The following EDN1 variants were observed in gnomAD, a reference collection of about 807,000 sequenced individuals.
EDN1 encodes endothelin 1.
A neutral mutation model predicts 21.7 loss-of-function variants in EDN1; 11 were observed. The ratio of observed to expected loss-of-function variants is 0.51; its 90% CI spans 0.32 to 0.84. The LOEUF (loss-of-function observed/expected upper bound fraction) is 0.84, where lower values mean the gene tolerates loss of function less well. Ranked by LOEUF, EDN1 falls within the 40% of genes least tolerant of loss-of-function variation. EDN1 has a pLI of 0.03. For synonymous variants in EDN1, 85 were observed against 90.6 expected, an observed-to-expected ratio of 0.94 and a Z score of 0.35; for missense variants, 244 against 262.3, an observed-to-expected ratio of 0.93 and a Z score of 0.48.
the EDN1 span, among the ~76,000 whole-genome samples, chr6:12,256,317 C>T: frequency 2.0e-5 from 3 of 152,298 alleles, no homozygotes; most frequent in African/African-American, 4.8e-5. Flanking sequence ...TGCACCACTG[C>T]GCTCCAGCGT....
the EDN1 span, among the ~76,000 whole-genome samples, chr6:12,240,318 A>G: frequency 1.4e-3 from 209 of 152,304 alleles, 1 homozygote; most frequent in Middle Eastern, 0.01. Flanking sequence ...CAGTGAATGA[A>G]GAAGTTTTGC....
chr6:12,245,980 A>C, the EDN1 span, among the ~76,000 whole-genome samples: 1 of 151,974 alleles, frequency 6.6e-6, no homozygotes, highest in Non-Finnish European at 1.5e-5. Flanking sequence ...TAATTGCCAT[A>C]ACAATGTTGT....
chr6:12,243,947 T>G, the EDN1 span, among the ~76,000 whole-genome samples: 1 of 152,176 alleles, frequency 6.6e-6, no homozygotes, highest in African/African-American at 2.4e-5. Context: ...TGATGGAAAC[T>G]TTCTCTTTTT....
upstream of EDN1, among the ~76,000 whole-genome samples, chr6:12,289,516 C>A (rs1762622004): frequency 6.6e-6 from 1 of 152,150 alleles, no homozygotes; most frequent in South Asian, 2.1e-4. Context: ...CTCTTCATCT[C>A]CCCCTGGTGT....
the EDN1 span, among the ~76,000 whole-genome samples, chr6:12,271,120 A>T: frequency 6.6e-6 from 1 of 151,490 alleles, no homozygotes; most frequent in Non-Finnish European, 1.5e-5. Flanking sequence ...TTTTTTTTTT[A>T]AACTCTATTT....
At chr6:12,292,097 C>A (rs752096941) in intron 1 of EDN1, among the ~76,000 whole-genome samples, 2 of 152,150 alleles carry the variant, frequency 1.3e-5, no homozygotes, top group Non-Finnish European at 2.9e-5. Context: ...GTGTTTATCT[C>A]CTCTGCATTT....
upstream of EDN1, among the ~76,000 whole-genome samples, chr6:12,288,707 C>T (rs191844815): frequency 2.0e-5 from 3 of 152,134 alleles, no homozygotes; most frequent in African/African-American, 4.8e-5. Context: ...GCTGTGACTT[C>T]GAGGGAGGTC....
the EDN1 span, among the ~76,000 whole-genome samples, chr6:12,261,303 C>T: frequency 6.6e-6 from 1 of 152,220 alleles, no homozygotes; most frequent in Non-Finnish European, 1.5e-5. Flanking sequence ...AAGTCCACAA[C>T]AGAGCCAACA....
the EDN1 span, among the ~76,000 whole-genome samples, chr6:12,257,197 A>C: frequency 6.6e-6 from 1 of 152,246 alleles, no homozygotes; most frequent in African/African-American, 2.4e-5. Flanking sequence ...GATTTATGCA[A>C]ACTGACAATT....
At chr6:12,294,770 T>C (rs1762778983) in intron 4 of EDN1, among the ~76,000 whole-genome samples, 1 of 152,162 alleles carries the variant, frequency 6.6e-6, no homozygotes, top group Non-Finnish European at 1.5e-5. Context: ...GAAAATCATT[T>C]TGGGGAGCGG....
chr6:12,231,779 C>G, the EDN1 span, among the ~76,000 whole-genome samples: 1 of 151,922 alleles, frequency 6.6e-6, no homozygotes, highest in Non-Finnish European at 1.5e-5. Flanking sequence ...TCAAGTTACA[C>G]ATAAATGGTA....
the EDN1 span, among the ~76,000 whole-genome samples, chr6:12,251,236 C>A: frequency 6.6e-6 from 1 of 152,136 alleles, no homozygotes; most frequent in East Asian, 1.9e-4. Context: ...TACTGTTTAA[C>A]AGAATGAAGA....
At position 12,297,071 on chromosome 6, in the gene EDN1, T is replaced by G. The variant is rs1762844227; in HGVS notation, c.*1004T>G. On this transcript the variant is annotated 3_prime_UTR_variant, in exon 5 of 5. Coordinates refer to ENST00000379375, the MANE Select transcript of EDN1 (RefSeq NM_001955.5). ...TATATTTACCATGTTAAATATCTGT[T>G]TGGGCAGGCCATATTGGTCTATGTA... is the stretch of plus-strand genomic sequence containing the variant. 6.6e-6 allele frequency: 1 copy of G among 152,232 alleles called. No homozygotes were observed. The highest frequency in any genetic ancestry group is 1.5e-5 in the Non-Finnish European group (1 of 68,032). The allele number at this position is 152,232 out of a possible 1,614,324, so 9.4% of individuals were successfully genotyped here. A position where few individuals can be genotyped will look rare whatever the true frequency, so the allele number is the denominator to read the frequency against.
chr6:12,260,138 A>T, the EDN1 span, among the ~76,000 whole-genome samples: 385 of 152,250 alleles, frequency 2.5e-3, 1 homozygote, highest in Non-Finnish European at 4.0e-3. Flanking sequence ...AAAAACTCTT[A>T]AAAAACAATA....
the EDN1 span, among the ~76,000 whole-genome samples, chr6:12,241,915 T>C: frequency 6.6e-6 from 1 of 152,076 alleles, no homozygotes; most frequent in Admixed American, 6.5e-5. Flanking sequence ...TTTGAAAGAG[T>C]CAAGCCCATG....
At chr6:12,251,468 G>A in the EDN1 span, among the ~76,000 whole-genome samples, 11 of 152,186 alleles carry the variant, frequency 7.2e-5, no homozygotes, top group African/African-American at 2.7e-4. Context: ...GACATTACAA[G>A]TGTCTAAAAT....
upstream of EDN1, among the ~76,000 whole-genome samples, chr6:12,290,112 G>T (rs1389476460): frequency 1.3e-5 from 2 of 152,178 alleles, no homozygotes; most frequent in Non-Finnish European, 2.9e-5. Context: ...TGCACGGGCA[G>T]GTTTAGCAAA....
intron 2 of EDN1, 69 bp downstream of exon 2, chr6:12,292,578 G>T (rs1762712977): frequency 2.5e-6 from 4 of 1,587,990 alleles, no homozygotes; most frequent in Non-Finnish European, 3.5e-6. Flanking sequence ...CCCAGTTTTA[G>T]AGTTTCTTTT....
At chr6:12,251,370 G>A in the EDN1 span, among the ~76,000 whole-genome samples, 26 of 152,170 alleles carry the variant, frequency 1.7e-4, no homozygotes, top group African/African-American at 5.3e-4. Context: ...ACTATTTAAC[G>A]TGAATCAATG....
Sources: gnomAD v4.1 joint callset for allele counts (sites outside exome capture counted in the v4.1 genomes callset) on GRCh38, gnomAD v4.1.1 for gene constraint, MANE v1.5 for transcripts, NCBI Gene and HGNC (gene_info 2026-07-23, HGNC 2026-07-21) for gene names.